The following SIGLEC7 variants were observed in gnomAD, a reference collection of about 807,000 sequenced individuals.
SIGLEC7 encodes the protein sialic acid binding Ig like lectin 7.
SIGLEC7 carries 33 observed loss-of-function variants against 40.8 expected under a neutral mutation model. The observed-to-expected ratio is 0.81, with a 90% CI of 0.61 to 1.08. The LOEUF (loss-of-function observed/expected upper bound fraction) is 1.08. Among genes scored for constraint, SIGLEC7 ranks in the 50% least tolerant of loss-of-function variants. The pLI is 0.00. For missense variants in SIGLEC7, 513 were observed against 576.1 expected, an observed-to-expected ratio of 0.89 and a Z score of 1.12; for synonymous variants, 242 against 237.6, an observed-to-expected ratio of 1.02 and a Z score of -0.17.
At chr19:51,149,024 C>T (rs2092127301) in intron 6 of SIGLEC7, among the ~76,000 whole-genome samples, 1 of 152,136 alleles carries the variant, frequency 6.6e-6, no homozygotes, top group Admixed American at 6.5e-5. Context: ...TTGTTTTTCT[C>T]TTGTAAATTT....
intron 6 of SIGLEC7, among the ~76,000 whole-genome samples, chr19:51,152,098 T>G (rs762716887): frequency 6.6e-5 from 10 of 152,196 alleles, no homozygotes; most frequent in Non-Finnish European, 1.3e-4. Flanking sequence ...ATCAAGGCAT[T>G]GGCAGGCAGG....
Position 51,142,726 on chromosome 19 carries a change from G to A in SIGLEC7, c.357G>A (p.Gly119=). The change falls in exon 1 of 7, where the codon GGG becomes GGA. Residue 119 remains glycine (G), a synonymous_variant. Coordinates refer to ENST00000317643, the MANE Select transcript of SIGLEC7 (RefSeq NM_014385.4). This position sits in a 1 kb window ranked among gnomAD's most constrained non-coding sequence, Gnocchi z 5.0. ...SIRDARMSDA[G]RYFFRMEKGN... ...GAGATGCCAGAATGAGTGATGCGGG[G>A]AGATACTTCTTTCGTATGGAGAAAG... is the stretch of plus-strand genomic sequence containing the variant. The A allele has an allele frequency of 6.2e-7, 1 of 1,614,086 alleles. No homozygotes were observed. The highest frequency in any genetic ancestry group is 1.3e-5 in the African/African-American group (1 of 75,022).
In SIGLEC7 at chr19:51,142,703, GAT is replaced by G; in HGVS notation, c.335_336del (p.Asp112GlyfsTer5). 6.2e-7 allele frequency: 1 copy of G among 1,614,224 alleles called. No homozygotes were observed. Among genetic ancestry groups the G allele is most frequent in the Admixed American group, 1.7e-5 (1 of 60,028 alleles). ...QTKNCTLSIRDARMSDAGRYF... is the reference protein window; with the variant it reads ...QTKNCTLSIRXARMSDAGRYF... ...CAAAAATTGCACCCTGAGCATCAGA[GAT>G]GCCAGAATGAGTGATGCGGGGAGAT... On this transcript the variant is annotated frameshift_variant, in exon 1 of 7. Transcript: ENST00000317643. LOFTEE classifies it high-confidence loss of function. The surrounding 1 kb of genome is among the most constrained non-coding windows in gnomAD (Gnocchi z 5.0).
Position 51,145,735 on chromosome 19 carries a change from ATAAG to A in SIGLEC7, c.761-117_761-114del, listed in dbSNP as rs1352864199. On this transcript the variant is annotated intron_variant, in intron 3 of 6. Coordinates refer to ENST00000317643, the MANE Select transcript of SIGLEC7 (RefSeq NM_014385.4). This position sits in a 1 kb window ranked among gnomAD's most constrained non-coding sequence, Gnocchi z 4.3. ...ACATTCCCAACAGTGAGCGGTGAAC[ATAAG>A]TATGTCCCTGCACCAGCCTACATCA... The A allele has an allele frequency of 3.5e-6, 4 of 1,152,316 alleles. No individual in the cohort carries two copies. Among genetic ancestry groups the A allele is most frequent in the Non-Finnish European group, 5.0e-6 (4 of 805,660 alleles). The allele number at this position is 1,152,316 out of a possible 1,614,324, so 71.4% of individuals were successfully genotyped here. A position where few individuals can be genotyped will look rare whatever the true frequency, so the allele number is the denominator to read the frequency against.
chr19:51,149,176 G>C (rs1022600429), intron 6 of SIGLEC7, among the ~76,000 whole-genome samples: 2 of 152,144 alleles, frequency 1.3e-5, no homozygotes, highest in Non-Finnish European at 2.9e-5. Flanking sequence ...GATCCCATTT[G>C]TCAATTTTTG....
chr19:51,152,114 T>C, intron 6 of SIGLEC7, among the ~76,000 whole-genome samples: 1 of 152,204 alleles, frequency 6.6e-6, no homozygotes, highest in East Asian at 1.9e-4. Flanking sequence ...GCAGGGCTGG[T>C]TCCTTCTGGA....
chr19:51,146,883 C>A, intron 5 of SIGLEC7, 33 bp downstream of exon 5: 1 of 1,592,648 alleles, frequency 6.3e-7, no homozygotes, highest in Non-Finnish European at 8.6e-7. Context: ...GAGGGAGAGT[C>A]CTGGGGGAGG....
chr19:51,143,902 T>C, intron 1 of SIGLEC7: 1 of 460,708 alleles, frequency 2.2e-6, no homozygotes, highest in Non-Finnish European at 4.3e-6. Flanking sequence ...AGTGCGTCTC[T>C]GTGCCCTGCA....
In SIGLEC7 at chr19:51,146,748, C is replaced by T. The variant is rs1391770484; in HGVS notation, c.1028-6C>T. ...GATCACCAAAACAATTCCAATCCATCCTCAGGCAAAATGAGGCCTGTATCA... is the reference window on the plus strand; with the variant it reads ...GATCACCAAAACAATTCCAATCCATTCTCAGGCAAAATGAGGCCTGTATCA... On this transcript the variant is annotated splice_region_variant and splice_polypyrimidine_tract_variant and intron_variant, in intron 4 of 6. Coordinates refer to ENST00000317643, the MANE Select transcript of SIGLEC7 (RefSeq NM_014385.4). 1.2e-6 allele frequency: 2 copies of T among 1,612,578 alleles called. No homozygotes were observed. Among genetic ancestry groups the T allele is most frequent in the Non-Finnish European group, 1.7e-6 (2 of 1,179,122 alleles).
chr19:51,152,540 C>G (rs2092150642), intron 6 of SIGLEC7, among the ~76,000 whole-genome samples: 1 of 152,236 alleles, frequency 6.6e-6, no homozygotes, highest in African/African-American at 2.4e-5. Flanking sequence ...CTGTAATTCT[C>G]TCTCACTTAG....
rs999831182 is a variant in SIGLEC7, at chr19:51,142,342, C to G, written c.-28C>G. The G allele has an allele frequency of 1.9e-6, 3 of 1,603,340 alleles. No individual in the cohort carries two copies. Among genetic ancestry groups the G allele is most frequent in the Non-Finnish European group, 2.6e-6 (3 of 1,174,188 alleles). ...GAACCCTGAGGAACAGACGTTCCCT[C>G]GCGGCCCTGGCACCTCCAACCCCAG... is the stretch of plus-strand genomic sequence containing the variant. On this transcript the variant is annotated 5_prime_UTR_variant, in exon 1 of 7. Coordinates refer to ENST00000317643, the MANE Select transcript of SIGLEC7 (RefSeq NM_014385.4). This position sits in a 1 kb window ranked among gnomAD's most constrained non-coding sequence, Gnocchi z 5.0.
intron 5 of SIGLEC7, 169 bp from the exon 6 acceptor site, chr19:51,147,052 A>G: frequency 2.6e-6 from 3 of 1,134,162 alleles, no homozygotes; most frequent in Non-Finnish European, 3.8e-6. Context: ...CCCACCACCC[A>G]GGAGGCAGGA....
intron 6 of SIGLEC7, among the ~76,000 whole-genome samples, chr19:51,150,201 A>G (rs2092135011): frequency 6.6e-6 from 1 of 152,186 alleles, no homozygotes; most frequent in Non-Finnish European, 1.5e-5. Context: ...GAGTGGTGAG[A>G]GAGGGCATCC....
rs781005321 is a variant in SIGLEC7, at chr19:51,147,222, G to A, written c.1126G>A (p.Val376Met). Residue 376 changes from valine to methionine, a missense_variant and splice_region_variant, in exon 6 of 7, where the codon GTG (valine) becomes ATG (methionine). Physicochemically the swap from Val to Met is conservative, Grantham distance 21. Coordinates refer to ENST00000317643, the MANE Select transcript of SIGLEC7 (RefSeq NM_014385.4). ...FLSFCVIFIVVRSCRKKSARP... is the reference protein window; with the variant it reads ...FLSFCVIFIVMRSCRKKSARP... The stretch of plus-strand genomic sequence containing the variant: ...AGGCTCTCTGGTCTCTTCACTCAGA[G>A]TGAGGTCCTGCAGGAAGAAATCGGC... The A allele has an allele frequency of 1.2e-6, 2 of 1,612,380 alleles. No individual in the cohort carries two copies. The highest frequency in any genetic ancestry group is 2.2e-5 in the East Asian group (1 of 44,798).
rs756252559 is a variant in SIGLEC7 at position 51,153,162 on chromosome 19, A to G, written c.1321A>G (p.Ser441Gly). The G allele has an allele frequency of 1.2e-6, 2 of 1,610,632 alleles. No individual in the cohort carries two copies. The highest frequency in any genetic ancestry group is 4.5e-5 in the East Asian group (2 of 44,766). Residue 441 changes from serine to glycine, a missense_variant, in exon 7 of 7, where the codon AGC becomes GGC. Ser to Gly is a moderately conservative substitution (Grantham distance 56). Coordinates refer to ENST00000317643, the MANE Select transcript of SIGLEC7 (RefSeq NM_014385.4). ...EEREIQYAPLSFHKGEPQDLS... is the reference protein window; with the variant it reads ...EEREIQYAPLGFHKGEPQDLS... ...AAGAGAGATCCAGTATGCACCCCTC[A>G]GCTTTCATAAGGGGGAGCCTCAGGA... is the stretch of plus-strand genomic sequence containing the variant.
chr19:51,152,787 T>G (rs2092152193), intron 6 of SIGLEC7: 3 of 194,610 alleles, frequency 1.5e-5, no homozygotes, highest in Non-Finnish European at 2.1e-5. Context: ...AACAGGGAGT[T>G]TGGGTACGCT....
chr19:51,147,956 T>C (rs2092121191), intron 6 of SIGLEC7, among the ~76,000 whole-genome samples: 1 of 152,216 alleles, frequency 6.6e-6, no homozygotes, highest in South Asian at 2.1e-4. Context: ...CCAGTAAAAC[T>C]TTATTTATAA....
chr19:51,144,710 G>T (rs2122891408), intron 2 of SIGLEC7, 26 bp downstream of exon 2: 4 of 1,607,894 alleles, frequency 2.5e-6, no homozygotes, highest in East Asian at 2.2e-5. Flanking sequence ...GGACGCCCTG[G>T]TCCCTGATGA....
At chr19:51,151,170 G>T (rs1454321273) in intron 6 of SIGLEC7, among the ~76,000 whole-genome samples, 1 of 152,164 alleles carries the variant, frequency 6.6e-6, no homozygotes, top group African/African-American at 2.4e-5. Context: ...AGACATGACT[G>T]TCTCCCAGAT....
Sources: gnomAD v4.1 joint callset for allele counts (sites outside exome capture counted in the v4.1 genomes callset) on GRCh38, gnomAD v4.1.1 for gene constraint, Gnocchi (gnomAD v3.1) non-coding constraint, MANE v1.5 for transcripts, NCBI Gene and HGNC (gene_info 2026-07-23, HGNC 2026-07-21) for gene names.